TSC22D3: variants seen among roughly 807,000 people sequenced by gnomAD.
The protein encoded by TSC22D3 is TSC22 domain family protein 3.
A neutral mutation model predicts 11.1 loss-of-function variants in TSC22D3; 4 were observed. That is an observed-to-expected ratio of 0.36 (90% CI 0.18 to 0.83). The LOEUF (loss-of-function observed/expected upper bound fraction) is 0.83. Among genes scored for constraint, TSC22D3 ranks in the 40% least tolerant of loss-of-function variants. The probability of loss-of-function intolerance (pLI) is 0.48; values close to 1 mark genes in which losing one functional copy is unlikely to be tolerated. For missense variants in TSC22D3, 118 were observed against 159.4 expected, an observed-to-expected ratio of 0.74 and a Z score of 1.40; for synonymous variants, 77 against 70.3, an observed-to-expected ratio of 1.10 and a Z score of -0.48.
intron 1 of TSC22D3, 71 bp from the exon 2 acceptor site, chrX:107,716,021 C>T: frequency 9.3e-7 from 1 of 1,074,496 alleles, no homozygotes; most frequent in Non-Finnish European, 1.3e-6. Context: ...CAGTTGTGGC[C>T]AAAGTCCTCC....
chrX:107,763,809 T>C (rs988555947), intron 1 of TSC22D3, among the ~76,000 whole-genome samples: 2 of 112,477 alleles, frequency 1.8e-5, no homozygotes, highest in African/African-American at 6.5e-5. Context: ...TTTCCTACTG[T>C]CATGGACTAT....
chrX:107,744,628 T>C (rs1247488716), intron 1 of TSC22D3, among the ~76,000 whole-genome samples: 1 of 112,606 alleles, frequency 8.9e-6, no homozygotes, highest in Non-Finnish European at 1.9e-5. Flanking sequence ...GTGATACACA[T>C]GAAACACTTA....
chrX:107,722,731 A>G (rs891755656), intron 1 of TSC22D3, among the ~76,000 whole-genome samples: 32 of 110,998 alleles, frequency 2.9e-4, no homozygotes, highest in Admixed American at 2.7e-3. Flanking sequence ...TTGTCCATCT[A>G]CAAGCAGGAA....
intron 1 of TSC22D3, among the ~76,000 whole-genome samples, chrX:107,771,073 A>G (rs1929886511): frequency 8.9e-6 from 1 of 112,164 alleles, no homozygotes; most frequent in Non-Finnish European, 1.9e-5. Flanking sequence ...CATTTTGACC[A>G]TTTGGAAAGG....
At chrX:107,735,447 C>T (rs1191164743) in intron 1 of TSC22D3, among the ~76,000 whole-genome samples, 1 of 111,415 alleles carries the variant, frequency 9.0e-6, no homozygotes, top group East Asian at 2.8e-4. Context: ...CCCTTGATCT[C>T]ACTCTCCCCA....
chrX:107,772,307 G>A (rs910663755), intron 1 of TSC22D3, among the ~76,000 whole-genome samples: 2 of 111,756 alleles, frequency 1.8e-5, no homozygotes, highest in Non-Finnish European at 3.8e-5. Context: ...GCACCCAACA[G>A]GAACCTGAAA....
At chrX:107,746,905 G>A (rs1287545231) in intron 1 of TSC22D3, among the ~76,000 whole-genome samples, 1 of 112,428 alleles carries the variant, frequency 8.9e-6, no homozygotes, top group Non-Finnish European at 1.9e-5. Flanking sequence ...ATGTTTCTTA[G>A]CATGATGGAA....
chrX:107,721,377 A>G (rs980038310), intron 1 of TSC22D3, among the ~76,000 whole-genome samples: 6 of 112,120 alleles, frequency 5.4e-5, no homozygotes, highest in Non-Finnish European at 3.8e-5. Context: ...ATGGGACAGT[A>G]GAACAGAGAC....
intron 1 of TSC22D3, among the ~76,000 whole-genome samples, chrX:107,747,954 T>C (rs1928747758): frequency 8.9e-6 from 1 of 112,193 alleles, no homozygotes; most frequent in African/African-American, 3.2e-5. Flanking sequence ...GTCTTTCTCA[T>C]ACCCTATCAT....
At chrX:107,771,531 G>A (rs758858691) in intron 1 of TSC22D3, among the ~76,000 whole-genome samples, 28 of 112,380 alleles carry the variant, frequency 2.5e-4, no homozygotes, top group Non-Finnish European at 4.3e-4. Context: ...ACTGCAGTGA[G>A]CTGAGATCGT....
chrX:107,715,324 CCT>C (rs1926955421), intron 2 of TSC22D3, among the ~76,000 whole-genome samples: 1 of 112,248 alleles, frequency 8.9e-6, no homozygotes, highest in African/African-American at 3.2e-5. Flanking sequence ...ACTGCCGCAT[CCT>C]CTCTGAATTT....
At chrX:107,716,165 C>CTT in intron 1 of TSC22D3, 2 of 668,397 alleles carry the variant, frequency 3.0e-6, no homozygotes, top group Non-Finnish European at 4.3e-6. Flanking sequence ...AGCGCTGCTG[C>CTT]CGCCGCCCCG....
intron 1 of TSC22D3, chrX:107,717,070 T>C (rs1048120060): frequency 4.3e-5 from 41 of 953,093 alleles, no homozygotes; most frequent in Non-Finnish European, 5.1e-5. Flanking sequence ...CTCGGAGATA[T>C]TTTGGCTCCT....
intron 1 of TSC22D3, among the ~76,000 whole-genome samples, chrX:107,773,437 C>T (rs929042006): frequency 7.1e-5 from 8 of 112,004 alleles, no homozygotes; most frequent in African/African-American, 2.6e-4. Flanking sequence ...CTGCCACTCT[C>T]CAACAGAGAC....
chrX:107,770,228 T>C (rs1929846189), intron 1 of TSC22D3, among the ~76,000 whole-genome samples: 1 of 111,982 alleles, frequency 8.9e-6, no homozygotes, highest in South Asian at 3.7e-4. Context: ...GGGAGAGGAA[T>C]TTTAGATGGT....
At chrX:107,715,068 T>C (rs186744236) in intron 2 of TSC22D3, among the ~76,000 whole-genome samples, 3 of 112,055 alleles carry the variant, frequency 2.7e-5, no homozygotes, top group Admixed American at 9.4e-5. Context: ...ACTTCTGCTG[T>C]TTGCCAGTGG....
chrX:107,714,651 C>T lies in TSC22D3; in HGVS notation c.471G>A (p.Glu157=). ...RELVEKNSQL[E]RENTLLKTLA... is the part of the protein sequence containing the mutation. ...GGGTCTTCAACAGGGTGTTCTCACGCTCTAGCTGGGAGTTCTTCTCCACCA... is the reference window on the plus strand; with the variant it reads ...GGGTCTTCAACAGGGTGTTCTCACGTTCTAGCTGGGAGTTCTTCTCCACCA... The change falls in exon 3 of 3, where the codon GAG becomes GAA. Residue 157 remains glutamate (E), a synonymous_variant. Transcript: ENST00000372383. 4 of 1,211,806 alleles carry T rather than the reference C, an allele frequency of 3.3e-6. No homozygotes were observed. Among genetic ancestry groups the T allele is most frequent in the Non-Finnish European group, 3.4e-6 (3 of 895,501 alleles).
chrX:107,751,772 A>G (rs1928945487), intron 1 of TSC22D3, among the ~76,000 whole-genome samples: 1 of 112,131 alleles, frequency 8.9e-6, no homozygotes, highest in African/African-American at 3.2e-5. Context: ...CCAGATTTTC[A>G]GGGATGGCCT....
At chrX:107,733,917 G>A (rs1928004713) in intron 1 of TSC22D3, among the ~76,000 whole-genome samples, 1 of 111,728 alleles carries the variant, frequency 9.0e-6, no homozygotes, top group Non-Finnish European at 1.9e-5. Context: ...GGCACTGCCC[G>A]TCTGCTCTTC....
Sources: gnomAD v4.1 joint callset for allele counts (sites outside exome capture counted in the v4.1 genomes callset) on GRCh38, gnomAD v4.1.1 for gene constraint, MANE v1.5 for transcripts, NCBI Gene and HGNC (gene_info 2026-07-23, HGNC 2026-07-21) for gene names.